The following HS6ST3 variants were observed in gnomAD, a reference collection of about 807,000 sequenced individuals.
HS6ST3 encodes heparan sulfate 6-O-sulfotransferase 3, also known as heparan-sulfate 6-O-sulfotransferase 3.
HS6ST3 carries 12 observed loss-of-function variants against 36.7 expected under a neutral mutation model. The ratio of observed to expected loss-of-function variants is 0.33; its 90% CI spans 0.21 to 0.53. The LOEUF (loss-of-function observed/expected upper bound fraction) is 0.53, where lower values mean the gene tolerates loss of function less well. Ranked by LOEUF, HS6ST3 falls within the 20% of genes least tolerant of loss-of-function variation. HS6ST3 has a pLI of 0.95. For missense variants in HS6ST3, 584 were observed against 640.9 expected (o/e 0.91, Z 0.96); for synonymous variants, 240 against 257.5 (o/e 0.93, Z 0.65).
At chr13:96,544,535 A>C (rs1317069440) in intron 1 of HS6ST3, among the ~76,000 whole-genome samples, 10 of 152,244 alleles carry the variant, frequency 6.6e-5, no homozygotes, top group Admixed American at 4.6e-4. Flanking sequence ...TTTGCCACTG[A>C]AAATGATCAA....
intron 1 of HS6ST3, among the ~76,000 whole-genome samples, chr13:96,524,824 C>T (rs1378609334): frequency 6.6e-6 from 1 of 152,208 alleles, no homozygotes; most frequent in Admixed American, 6.5e-5. Context: ...GATGAGGCAA[C>T]GCTCTGCCCT....
chr13:96,535,893 A>C (rs1390221011), intron 1 of HS6ST3, among the ~76,000 whole-genome samples: 1 of 152,052 alleles, frequency 6.6e-6, no homozygotes, highest in Non-Finnish European at 1.5e-5. Flanking sequence ...GGATGAGTTC[A>C]CCTCCCTCCA....
At chr13:96,329,643 A>G (rs1358065512) in intron 1 of HS6ST3, among the ~76,000 whole-genome samples, 1 of 117,010 alleles carries the variant, frequency 8.5e-6, no homozygotes, top group African/African-American at 3.6e-5. Flanking sequence ...TGGTGCTGAA[A>G]AAAATGTATA....
intron 1 of HS6ST3, among the ~76,000 whole-genome samples, chr13:96,650,012 A>G (rs1040977213): frequency 2.0e-5 from 3 of 151,668 alleles, no homozygotes; most frequent in African/African-American, 7.3e-5. Flanking sequence ...CTCTTCCCTA[A>G]AGACTCACTT....
At chr13:96,225,926 A>G (rs930132438) in intron 1 of HS6ST3, among the ~76,000 whole-genome samples, 3 of 152,146 alleles carry the variant, frequency 2.0e-5, no homozygotes, top group African/African-American at 7.2e-5. Context: ...GAGTCCTGGG[A>G]TAGTAGTATT....
At chr13:96,776,647 A>T (rs1274958349) in intron 1 of HS6ST3, among the ~76,000 whole-genome samples, 3 of 152,236 alleles carry the variant, frequency 2.0e-5, no homozygotes, top group African/African-American at 7.2e-5. Flanking sequence ...ACCAGGAAGA[A>T]GTCGAATCCC....
intron 1 of HS6ST3, among the ~76,000 whole-genome samples, chr13:96,160,192 G>C (rs930461895): frequency 6.6e-6 from 1 of 152,148 alleles, no homozygotes; most frequent in African/African-American, 2.4e-5. Context: ...TTGTATGTAA[G>C]GAAAATGCTG....
chr13:96,543,886 C>G lies in HS6ST3; in HGVS notation c.708-288604C>G, dbSNP rs1168314262. The stretch of plus-strand genomic sequence containing the variant: ...TCAGGCCAAAAATAGATGACAGAAT[C>G]AAATTTTTTTTTCTTAATAGGATGG... On this transcript the variant is annotated intron_variant, in intron 1 of 1. Coordinates refer to ENST00000376705, the MANE Select transcript of HS6ST3 (RefSeq NM_153456.4). 3.3e-5 allele frequency among the ~76,000 whole-genome samples: 5 copies of G among 151,556 alleles called. No individual in the cohort carries two copies. In the South Asian group the frequency reaches 1.0e-3, roughly 32 times the overall value.
At chr13:96,642,743 A>T (rs1403764164) in intron 1 of HS6ST3, among the ~76,000 whole-genome samples, 1 of 151,898 alleles carries the variant, frequency 6.6e-6, no homozygotes, top group Non-Finnish European at 1.5e-5. Flanking sequence ...TATTCTTTTT[A>T]AAAACAATTC....
chr13:96,533,739 A>G (rs1257495583), intron 1 of HS6ST3, among the ~76,000 whole-genome samples: 1 of 152,212 alleles, frequency 6.6e-6, no homozygotes, highest in East Asian at 1.9e-4. Context: ...CAGAGGCCCC[A>G]AACTGGAGAG....
chr13:96,650,841 T>G (rs1225307365), intron 1 of HS6ST3, among the ~76,000 whole-genome samples: 1 of 152,102 alleles, frequency 6.6e-6, no homozygotes, highest in Non-Finnish European at 1.5e-5. Flanking sequence ...TACAAGTAGA[T>G]AGTTCATACT....
At chr13:96,630,309 C>T (rs2056527576) in intron 1 of HS6ST3, among the ~76,000 whole-genome samples, 1 of 152,072 alleles carries the variant, frequency 6.6e-6, no homozygotes, top group African/African-American at 2.4e-5. Flanking sequence ...ACCATTTGAT[C>T]TACAGCTTGA....
chr13:96,217,549 TTC>T (rs531730578), intron 1 of HS6ST3, among the ~76,000 whole-genome samples: 23 of 151,852 alleles, frequency 1.5e-4, no homozygotes, highest in Non-Finnish European at 1.9e-4. Context: ...GTAGATGTTA[TTC>T]TCTCTCTCTC....
At chr13:96,236,242 C>T (rs1333095703) in intron 1 of HS6ST3, among the ~76,000 whole-genome samples, 1 of 152,178 alleles carries the variant, frequency 6.6e-6, no homozygotes, top group Non-Finnish European at 1.5e-5. Flanking sequence ...CTGCCTCTCA[C>T]AGTCCACTGA....
At chr13:96,448,164 A>C (rs2139484063) in intron 1 of HS6ST3, among the ~76,000 whole-genome samples, 1 of 152,276 alleles carries the variant, frequency 6.6e-6, no homozygotes, top group Admixed American at 6.5e-5. Flanking sequence ...AAATTTGAGC[A>C]TATGCAACTT....
intron 1 of HS6ST3, among the ~76,000 whole-genome samples, chr13:96,592,626 T>A (rs2056386652): frequency 6.6e-6 from 1 of 152,034 alleles, no homozygotes; most frequent in African/African-American, 2.4e-5. Context: ...TTCCTCAGCA[T>A]TTTATTTATT....
chr13:96,239,991 A>G (rs971227999), intron 1 of HS6ST3, among the ~76,000 whole-genome samples: 3 of 152,212 alleles, frequency 2.0e-5, no homozygotes, highest in African/African-American at 4.8e-5. Context: ...TGATGCTTTT[A>G]TAAGTCATTG....
At chr13:96,311,962 TGTTTCATTAACTTAGA>T (rs955380617) in intron 1 of HS6ST3, among the ~76,000 whole-genome samples, 1 of 150,136 alleles carries the variant, frequency 6.7e-6, no homozygotes, top group Non-Finnish European at 1.5e-5. Context: ...ATTTTTTTTT[TGTTTCATTAACTTAGA>T]GTTGTTTTTG....
At chr13:96,638,295 A>G (rs1279006216) in intron 1 of HS6ST3, among the ~76,000 whole-genome samples, 1 of 152,098 alleles carries the variant, frequency 6.6e-6, no homozygotes, top group African/African-American at 2.4e-5. Flanking sequence ...TTGGGTGGAA[A>G]ATATCTCAAA....
Sources: allele counts gnomAD v4.1 joint callset (sites outside exome capture counted in the v4.1 genomes callset), GRCh38; gene constraint gnomAD v4.1.1; transcripts MANE v1.5; gene names NCBI Gene and HGNC (gene_info 2026-07-23, HGNC 2026-07-21).